The following PDS5B variants were observed in gnomAD, a reference collection of about 807,000 sequenced individuals.
The protein encoded by PDS5B is PDS5 cohesin associated factor B, also known as sister chromatid cohesion protein PDS5 homolog B.
Under a neutral mutation model 184.1 loss-of-function variants are expected in PDS5B, and 51 were observed. The ratio of observed to expected loss-of-function variants is 0.28; its 90% CI spans 0.22 to 0.35. The LOEUF (loss-of-function observed/expected upper bound fraction) is 0.35, where lower values mean the gene tolerates loss of function less well. Among genes scored for constraint, PDS5B ranks in the 10% least tolerant of loss-of-function variants. PDS5B has a pLI of 1.00. For missense variants in PDS5B, 1,180 were observed against 1,723.3 expected, an observed-to-expected ratio of 0.68 and a Z score of 5.58; for synonymous variants, 566 against 569.2, an observed-to-expected ratio of 0.99 and a Z score of 0.08.
rs1954919871 is a variant in PDS5B, at chr13:32,775,210, G to A, written c.*158G>A. ...ACTTTGGTGACCCCATACATTTGTGGTCACATGCTTTAGCCATACACATGG... is the reference window on the plus strand; with the variant it reads ...ACTTTGGTGACCCCATACATTTGTGATCACATGCTTTAGCCATACACATGG... On this transcript the variant is annotated 3_prime_UTR_variant, in exon 35 of 35. Coordinates refer to ENST00000315596, the MANE Select transcript of PDS5B (RefSeq NM_015032.4). The A allele has an allele frequency of 3.2e-6, 2 of 628,956 alleles. No individual in the cohort carries two copies. The highest frequency in any genetic ancestry group is 1.9e-5 in the African/African-American group (1 of 53,660). The allele number at this position is 628,956 out of a possible 1,614,324, so 39.0% of individuals were successfully genotyped here.
At chr13:32,691,985 T>C (rs1291181861) in intron 13 of PDS5B, among the ~76,000 whole-genome samples, 1 of 149,674 alleles carries the variant, frequency 6.7e-6, no homozygotes, top group Non-Finnish European at 1.5e-5. Flanking sequence ...CACTCCCCAC[T>C]ACTACGTATT....
chr13:32,654,875 G>A (rs577910698), intron 3 of PDS5B, among the ~76,000 whole-genome samples: 2 of 152,192 alleles, frequency 1.3e-5, no homozygotes, highest in South Asian at 2.1e-4. Flanking sequence ...ATTTTTTATG[G>A]CTGTGTAATA....
At chr13:32,749,558 C>A (rs1953895699) in intron 24 of PDS5B, among the ~76,000 whole-genome samples, 1 of 152,118 alleles carries the variant, frequency 6.6e-6, no homozygotes, top group African/African-American at 2.4e-5. Context: ...TTACTCTGTA[C>A]TTCTGTGTGC....
At chr13:32,753,733 C>A (rs1047988053) in intron 25 of PDS5B, among the ~76,000 whole-genome samples, 197 bp downstream of exon 25, 2 of 152,112 alleles carry the variant, frequency 1.3e-5, no homozygotes, top group African/African-American at 2.4e-5. Context: ...CAACCTATAT[C>A]TGTTTATGTA....
At chr13:32,686,749 C>T (rs1002037224) in intron 11 of PDS5B, among the ~76,000 whole-genome samples, 1 of 152,202 alleles carries the variant, frequency 6.6e-6, no homozygotes, top group African/African-American at 2.4e-5. Context: ...TGCACCACTT[C>T]ACTCCAACTT....
rs761948330 is a variant in PDS5B, at chr13:32,770,477, G to GGAA, written c.3991_3993dup (p.Glu1331dup). 9.9e-6 allele frequency: 16 copies of GGAA among 1,612,186 alleles called. No homozygotes were observed. The East Asian group carries it at 2.9e-4, about 29-fold the overall frequency. ...CTGGACCTCCAGCACCAGAGGAGGA[G>GGAA]GAAGAAGAAGAAAGACAAAGTGGAA... On this transcript the variant is annotated inframe_insertion, in exon 32 of 35. Coordinates refer to ENST00000315596, the MANE Select transcript of PDS5B (RefSeq NM_015032.4).
intron 19 of PDS5B, among the ~76,000 whole-genome samples, chr13:32,718,158 T>C (rs1261957341): frequency 6.6e-6 from 1 of 151,692 alleles, no homozygotes; most frequent in African/African-American, 2.4e-5. Flanking sequence ...CTTCTGAATT[T>C]TTTTTTTTTT....
chr13:32,716,309 T>C (rs140283160), intron 19 of PDS5B, among the ~76,000 whole-genome samples: 65,756 of 150,480 alleles, frequency 0.44, 14,679 homozygotes, highest in African/African-American at 0.49. Flanking sequence ...GCCTCTGCCC[T>C]GCCGCCCCAT....
chr13:32,667,953 G>T (rs1950844980), intron 7 of PDS5B, 109 bp downstream of exon 7: 1 of 525,682 alleles, frequency 1.9e-6, no homozygotes, highest in Non-Finnish European at 3.3e-6. Context: ...CAACAAATTT[G>T]TGTTGTTTTA....
intron 1 of PDS5B, among the ~76,000 whole-genome samples, chr13:32,633,817 A>C (rs1398220901): frequency 1.3e-5 from 2 of 152,174 alleles, no homozygotes; most frequent in Non-Finnish European, 1.5e-5. Flanking sequence ...TGTTACTTTT[A>C]ATGAGGTAGA....
chr13:32,742,508 A>G (rs766623516), intron 22 of PDS5B, 83 bp from the exon 23 acceptor site: 180 of 1,132,298 alleles, frequency 1.6e-4, no homozygotes, highest in Non-Finnish European at 2.2e-4. Context: ...TCCATTAAAT[A>G]CATTTTATTT....
chr13:32,652,984 A>G (rs575968776), intron 3 of PDS5B, among the ~76,000 whole-genome samples: 1 of 152,150 alleles, frequency 6.6e-6, no homozygotes, highest in South Asian at 2.1e-4. Flanking sequence ...ATCAGGTAGG[A>G]ATTAAAAACA....
chr13:32,766,469 G>A (rs1442625117), intron 31 of PDS5B, among the ~76,000 whole-genome samples: 2 of 152,102 alleles, frequency 1.3e-5, no homozygotes, highest in Admixed American at 1.3e-4. Flanking sequence ...GTAACGTTAG[G>A]TCCAGTTTTA....
At chr13:32,629,844 C>G (rs925112203) in intron 1 of PDS5B, among the ~76,000 whole-genome samples, 2 of 152,032 alleles carry the variant, frequency 1.3e-5, no homozygotes, top group African/African-American at 4.8e-5. Flanking sequence ...TTCTCTTGTC[C>G]CAGTTTTCTT....
At chr13:32,741,020 A>G (rs1200480340) in intron 21 of PDS5B, 60 bp from the exon 22 acceptor site, 2 of 999,422 alleles carry the variant, frequency 2.0e-6, no homozygotes, top group East Asian at 2.4e-5. Context: ...GCTAATTGAA[A>G]AGAATTCATA....
At chr13:32,618,432 A>G (rs1199554458) in intron 1 of PDS5B, among the ~76,000 whole-genome samples, 1 of 151,990 alleles carries the variant, frequency 6.6e-6, no homozygotes, top group Non-Finnish European at 1.5e-5. Context: ...ATCACTTGCT[A>G]TTCTGCTCCA....
At chr13:32,693,431 T>C (rs1951610278) in intron 13 of PDS5B, among the ~76,000 whole-genome samples, 1 of 151,828 alleles carries the variant, frequency 6.6e-6, no homozygotes, top group African/African-American at 2.4e-5. Flanking sequence ...AATTAAAATA[T>C]TAAACGATGT....
chr13:32,607,199 A>G (rs540744976), intron 1 of PDS5B, among the ~76,000 whole-genome samples: 1 of 151,964 alleles, frequency 6.6e-6, no homozygotes, highest in Non-Finnish European at 1.5e-5. Context: ...GGTTTTATCT[A>G]CCTTTGGTCT....
At chr13:32,684,479 A>G (rs1951331587) in intron 11 of PDS5B, among the ~76,000 whole-genome samples, 2 of 152,340 alleles carry the variant, frequency 1.3e-5, no homozygotes, top group African/African-American at 4.8e-5. Context: ...GCTAAACCCG[A>G]TAGAGCACCA....
Sources: allele counts gnomAD v4.1 joint callset (sites outside exome capture counted in the v4.1 genomes callset), GRCh38; gene constraint gnomAD v4.1.1; transcripts MANE v1.5; gene names NCBI Gene and HGNC (gene_info 2026-07-23, HGNC 2026-07-21).